RGS5: variants seen among roughly 807,000 people sequenced by gnomAD.
RGS5 encodes regulator of G protein signaling 5.
In RGS5, 20 loss-of-function variants were observed where a neutral mutation model predicts 18.9. The observed-to-expected ratio is 1.06, with a 90% confidence interval of 0.74 to 1.54. The LOEUF (loss-of-function observed/expected upper bound fraction) is 1.54, where lower values mean the gene tolerates loss of function less well. Ranked by LOEUF, RGS5 falls within the 40% of genes most tolerant of loss-of-function variation. The pLI, the probability that RGS5 is intolerant of heterozygous loss-of-function variation, is 0.00. For synonymous variants in RGS5, 57 were observed against 76.2 expected (o/e 0.75, Z 1.31); for missense variants, 201 against 211.8 (o/e 0.95, Z 0.32).
At chr1:163,158,405 G>C (rs1027778664) in intron 3 of RGS5, among the ~76,000 whole-genome samples, 6 of 152,102 alleles carry the variant, frequency 3.9e-5, no homozygotes, top group Non-Finnish European at 7.4e-5. Context: ...GAATTAGAGA[G>C]GGGTATCGGG....
intron 1 of RGS5, among the ~76,000 whole-genome samples, chr1:163,197,793 G>T (rs560862868): frequency 1.3e-5 from 2 of 152,208 alleles, no homozygotes; most frequent in South Asian, 2.1e-4. Flanking sequence ...CAGCAAGCAT[G>T]ATCCTAAACC....
At chr1:163,219,610 T>C (rs1360730797), upstream of RGS5, among the ~76,000 whole-genome samples, 17 of 152,158 alleles carry the variant, frequency 1.1e-4, no homozygotes, top group Admixed American at 1.1e-3. Flanking sequence ...CTACATGATA[T>C]GTAGATGATG....
chr1:163,298,708 TC>T (rs1649483462), intron 2 of RGS5, among the ~76,000 whole-genome samples: 1 of 152,118 alleles, frequency 6.6e-6, no homozygotes, highest in Admixed American at 6.6e-5. Context: ...CTGATGAGAT[TC>T]CCAGGGAGGA....
chr1:163,228,191 C>T (rs778922959), intron 2 of RGS5, among the ~76,000 whole-genome samples: 1 of 152,234 alleles, frequency 6.6e-6, no homozygotes, highest in Non-Finnish European at 1.5e-5. Flanking sequence ...CCTGCATTTC[C>T]CATCCTCACT....
intron 2 of RGS5, among the ~76,000 whole-genome samples, chr1:163,290,676 A>G (rs1403520361): frequency 2.6e-5 from 4 of 151,252 alleles, no homozygotes; most frequent in Non-Finnish European, 5.9e-5. Context: ...AAAAATGAAT[A>G]TTTCAAAGAT....
rs753504362 is a variant in RGS5, at chr1:163,168,367, C to T, written c.46G>A (p.Ala16Thr). The T allele has an allele frequency of 1.2e-6, 2 of 1,611,452 alleles. No homozygotes were observed. The highest frequency in any genetic ancestry group is 2.2e-5 in the South Asian group (2 of 91,004). ...CCCAACTTGATCTTAATCTCCTTGG[C>T]CCTGAAAGAAGAGACACAAGGGGAA... ...AALPHSCLER[A>T]KEIKIKLGIL... The change falls in exon 2 of 5, where the codon GCC becomes ACC. Residue 16 changes from alanine to threonine, a missense_variant and splice_region_variant. Transcript: ENST00000313961.
intron 1 of RGS5, among the ~76,000 whole-genome samples, chr1:163,195,889 T>G (rs1659544980): frequency 6.6e-6 from 1 of 152,150 alleles, no homozygotes; most frequent in Non-Finnish European, 1.5e-5. Flanking sequence ...TTAGCACTTC[T>G]GAGAAAATGA....
chr1:163,310,208 A>T (rs1313755774), intron 1 of RGS5, among the ~76,000 whole-genome samples: 1 of 152,212 alleles, frequency 6.6e-6, no homozygotes, highest in Non-Finnish European at 1.5e-5. Flanking sequence ...ACTTAAAGTC[A>T]CCAGTTGCAT....
intron 2 of RGS5, among the ~76,000 whole-genome samples, chr1:163,302,221 G>T (rs1007959496): frequency 6.6e-6 from 1 of 152,058 alleles, no homozygotes; most frequent in Non-Finnish European, 1.5e-5. Context: ...CCCAAAATGT[G>T]CCAGGTATAC....
rs1366407579 is a variant in RGS5, at chr1:163,142,980, TGTC to T, written c.*4359_*4361del. On this transcript the variant is annotated 3_prime_UTR_variant, in exon 5 of 5. Transcript: ENST00000313961. ...GAATAATATTCCAAATGTTTGTTGT[TGTC>T]GTTGTTGTTGCCGTGGCCTGTGACT... 4.6e-5 allele frequency: 7 copies of T among 152,330 alleles called. No homozygotes were observed. In the South Asian group the frequency reaches 6.2e-4, roughly 14 times the overall value. The allele number at this position is 152,330 out of a possible 1,614,324, so 9.4% of individuals were successfully genotyped here. A position where few individuals can be genotyped will look rare whatever the true frequency, so the allele number is the denominator to read the frequency against.
intron 1 of RGS5, among the ~76,000 whole-genome samples, chr1:163,170,923 C>T (rs1228320757): frequency 6.6e-6 from 1 of 152,110 alleles, no homozygotes; most frequent in Non-Finnish European, 1.5e-5. Context: ...ATGTTTAGTT[C>T]TTTTGCCTAG....
Position 163,145,165 on chromosome 1 carries a change from T to G in RGS5, c.*2177A>C, listed in dbSNP as rs1430119034. Reference sequence around the variant, plus strand: ...ACTTTCATAGGGTGTCCAGTCAATTTGTGAGTACAGTCCACTGGAGTCTTC... The same window carrying G: ...ACTTTCATAGGGTGTCCAGTCAATTGGTGAGTACAGTCCACTGGAGTCTTC... On this transcript the variant is annotated 3_prime_UTR_variant, in exon 5 of 5. Coordinates refer to ENST00000313961, the MANE Select transcript of RGS5 (RefSeq NM_003617.4). The G allele has an allele frequency of 6.6e-6, 1 of 152,202 alleles. No individual in the cohort carries two copies. The highest frequency in any genetic ancestry group is 1.5e-5 in the Non-Finnish European group (1 of 68,040). 9.4% of individuals were successfully genotyped at this position (152,202 alleles called of 1,614,324 possible).
At chr1:163,157,226 G>C (rs1657619996) in intron 3 of RGS5, among the ~76,000 whole-genome samples, 1 of 152,166 alleles carries the variant, frequency 6.6e-6, no homozygotes, top group South Asian at 2.1e-4. Context: ...CTTAAAAATG[G>C]TTGTGGGGAA....
intron 3 of RGS5, among the ~76,000 whole-genome samples, chr1:163,159,503 A>C (rs1657717193): frequency 1.3e-5 from 2 of 152,128 alleles, no homozygotes; most frequent in Admixed American, 1.3e-4. Context: ...CCCGCAACAG[A>C]GGGGAGAGAC....
chr1:163,295,270 G>A (rs1649394116), intron 2 of RGS5, among the ~76,000 whole-genome samples: 1 of 152,206 alleles, frequency 6.6e-6, no homozygotes, highest in African/African-American at 2.4e-5. Flanking sequence ...TTTATTAGCA[G>A]TGGAGGTATT....
chr1:163,312,545 G>A lies in RGS5; in HGVS notation c.-377-6216C>T, dbSNP rs1649896271. 2.0e-5 allele frequency among the ~76,000 whole-genome samples: 3 copies of A among 152,308 alleles called. No individual in the cohort carries two copies. The South Asian group carries it at 6.2e-4, about 32-fold the overall frequency. On this transcript the variant is annotated intron_variant, in intron 1 of 5. Transcript: ENST00000618415. ...AATGGAAAAGGAGCAAGGCGCACAG[G>A]GTAGAAGTAAGCTACTGAAAACGAC...
intron 1 of RGS5, among the ~76,000 whole-genome samples, chr1:163,209,365 A>G (rs1041135270): frequency 6.6e-6 from 1 of 152,190 alleles, no homozygotes; most frequent in Non-Finnish European, 1.5e-5. Flanking sequence ...ATGTATATCC[A>G]TTCTTTTCAA....
In RGS5 at chr1:163,232,200, A is replaced by C. The variant is rs534112510; in HGVS notation, c.-280-63832T>G. Among the ~76,000 whole-genome samples the C allele has an allele frequency of 2.0e-5, 3 of 152,272 alleles. No homozygotes were observed. The South Asian group carries it at 6.2e-4, about 32-fold the overall frequency. The stretch of plus-strand genomic sequence containing the variant: ...TAATTCTTTGATAGTTTTTGCTAGA[A>C]GGCTAAGGGATGAAGATTTGTCAAT... On this transcript the variant is annotated intron_variant, in intron 2 of 5. Coordinates refer to the RGS5 transcript ENST00000618415.
At chr1:163,272,968 T>C (rs1483947902) in intron 2 of RGS5, among the ~76,000 whole-genome samples, 3 of 152,162 alleles carry the variant, frequency 2.0e-5, no homozygotes, top group Non-Finnish European at 4.4e-5. Context: ...TATTCCATTG[T>C]GATTTCTTTT....
Sources: allele counts gnomAD v4.1 joint callset (sites outside exome capture counted in the v4.1 genomes callset), GRCh38; gene constraint gnomAD v4.1.1; transcripts MANE v1.5; gene names NCBI Gene and HGNC (gene_info 2026-07-23, HGNC 2026-07-21).